CDK14: variants seen among roughly 807,000 people sequenced by gnomAD.
CDK14 encodes the protein cyclin dependent kinase 14, also known as cyclin-dependent kinase 14.
In CDK14, 34 loss-of-function variants were observed where a neutral mutation model predicts 60.7. The ratio of observed to expected loss-of-function variants is 0.56; its 90% CI spans 0.43 to 0.75. The LOEUF (loss-of-function observed/expected upper bound fraction) is 0.75. CDK14 is among the 30% of genes least tolerant of loss of function. CDK14 has a pLI of 0.00. For missense variants in CDK14, 482 were observed against 564.1 expected (o/e 0.85, Z 1.47); for synonymous variants, 197 against 203.7 (o/e 0.97, Z 0.28).
At position 90,785,951 on chromosome 7, in the gene CDK14, C is replaced by A. The variant is rs1006393449; in HGVS notation, c.465-4622C>A. ...TTAGAAACAGTTTGAAAGTTGGATCCCCTTTCAGCCTGGCTCTACCTGGCT... is the reference window on the plus strand; with the variant it reads ...TTAGAAACAGTTTGAAAGTTGGATCACCTTTCAGCCTGGCTCTACCTGGCT... On this transcript the variant is annotated intron_variant, in intron 4 of 14. Transcript: ENST00000380050. Among the ~76,000 whole-genome samples, 11 of 152,038 alleles carry A rather than the reference C, an allele frequency of 7.2e-5. No individual in the cohort carries two copies. The East Asian group carries it at 2.1e-3, about 29-fold the overall frequency.
chr7:91,133,740 A>G (rs1005320952), intron 14 of CDK14, among the ~76,000 whole-genome samples: 1 of 152,146 alleles, frequency 6.6e-6, no homozygotes, highest in Non-Finnish European at 1.5e-5. Flanking sequence ...TTACATTTTT[A>G]TAGCCATATT....
chr7:90,888,954 C>A (rs571377678), intron 6 of CDK14, among the ~76,000 whole-genome samples: 2 of 152,192 alleles, frequency 1.3e-5, no homozygotes, highest in East Asian at 3.8e-4. Flanking sequence ...ACTGCTTAAC[C>A]CTTTCCTCCA....
chr7:90,877,849 A>G (rs1315998736), intron 6 of CDK14, among the ~76,000 whole-genome samples: 2 of 152,168 alleles, frequency 1.3e-5, no homozygotes, highest in African/African-American at 4.8e-5. Flanking sequence ...AACTAAAAAT[A>G]CATTGAACTG....
chr7:90,670,019 C>T (rs1212773885), intron 2 of CDK14, among the ~76,000 whole-genome samples: 1 of 152,108 alleles, frequency 6.6e-6, no homozygotes, highest in African/African-American at 2.4e-5. Flanking sequence ...AACAACAAAA[C>T]TGATTTTTCC....
intron 5 of CDK14, among the ~76,000 whole-genome samples, chr7:90,809,896 T>C (rs1173744739): frequency 6.6e-6 from 1 of 152,114 alleles, no homozygotes; most frequent in East Asian, 1.9e-4. Context: ...CCTGGACACA[T>C]ACACCCTCCC....
chr7:90,791,192 A>G (rs1396396355), intron 5 of CDK14, among the ~76,000 whole-genome samples: 1 of 152,136 alleles, frequency 6.6e-6, no homozygotes, highest in Non-Finnish European at 1.5e-5. Context: ...AATTTCTTTT[A>G]TAATGTAGTT....
chr7:90,934,790 C>T (rs766506570), intron 8 of CDK14, among the ~76,000 whole-genome samples: 1 of 152,150 alleles, frequency 6.6e-6, no homozygotes, highest in Non-Finnish European at 1.5e-5. Context: ...GATACATACA[C>T]CAAATTTGTG....
At chr7:91,145,534 G>T (rs1030164743) in intron 14 of CDK14, among the ~76,000 whole-genome samples, 4 of 152,140 alleles carry the variant, frequency 2.6e-5, no homozygotes, top group Non-Finnish European at 4.4e-5. Flanking sequence ...CTCAAATTGG[G>T]TCATTAGTGA....
At chr7:90,640,544 G>A (rs575499038) in intron 2 of CDK14, among the ~76,000 whole-genome samples, 2 of 152,210 alleles carry the variant, frequency 1.3e-5, no homozygotes, top group South Asian at 4.1e-4. Flanking sequence ...TGGTTTCAAA[G>A]AGGAAAGCAT....
chr7:90,603,809 G>A (rs17868882), intron 1 of CDK14, among the ~76,000 whole-genome samples: 13 of 152,208 alleles, frequency 8.5e-5, no homozygotes, highest in African/African-American at 2.9e-4. Context: ...TGTCATTCAG[G>A]GCTCTGTGCA....
At position 91,017,612 on chromosome 7, in the gene CDK14, G is replaced by A. The variant is rs550838522; in HGVS notation, c.1042-28285G>A. On this transcript the variant is annotated intron_variant, in intron 10 of 14. Coordinates refer to ENST00000380050, the MANE Select transcript of CDK14 (RefSeq NM_001287135.2). ...ATGATGGACTTTTGGTCTGTGTATT[G>A]CTATTATTGATTACTTCAGATGGTC... Among the ~76,000 whole-genome samples the A allele has an allele frequency of 3.9e-5, 6 of 152,226 alleles. No homozygotes were observed. In the East Asian group the frequency reaches 1.2e-3, roughly 29 times the overall value.
At chr7:90,713,814 G>C (rs1235545324) in intron 2 of CDK14, among the ~76,000 whole-genome samples, 1 of 151,952 alleles carries the variant, frequency 6.6e-6, no homozygotes, top group Admixed American at 6.6e-5. Flanking sequence ...CCCATCTCCT[G>C]TGTTTATTTT....
At chr7:90,779,662 T>C (rs1805224467) in intron 4 of CDK14, among the ~76,000 whole-genome samples, 1 of 152,318 alleles carries the variant, frequency 6.6e-6, no homozygotes, top group Non-Finnish European at 1.5e-5. Context: ...TCTTCAAACA[T>C]GGGCAACTCA....
At chr7:91,145,688 A>G (rs947865174) in intron 14 of CDK14, among the ~76,000 whole-genome samples, 1 of 152,200 alleles carries the variant, frequency 6.6e-6, no homozygotes, top group Non-Finnish European at 1.5e-5. Context: ...GAGCAGGCAT[A>G]ACTGTCTTGA....
At chr7:91,095,622 A>G (rs927522097) in intron 12 of CDK14, among the ~76,000 whole-genome samples, 3 of 152,224 alleles carry the variant, frequency 2.0e-5, no homozygotes, top group African/African-American at 2.4e-5. Context: ...TTAACAAATC[A>G]TGATTCAGCA....
chr7:91,059,024 C>T (rs911324469), intron 11 of CDK14, among the ~76,000 whole-genome samples: 37 of 152,234 alleles, frequency 2.4e-4, no homozygotes, highest in African/African-American at 8.2e-4. Flanking sequence ...ACTATGAGTC[C>T]GTCTGGTCCT....
chr7:91,161,978 G>A (rs1172805079), intron 14 of CDK14, among the ~76,000 whole-genome samples: 1 of 152,160 alleles, frequency 6.6e-6, no homozygotes, highest in Non-Finnish European at 1.5e-5. Flanking sequence ...CACGGAAGTC[G>A]AGAAAGTAGA....
intron 8 of CDK14, among the ~76,000 whole-genome samples, chr7:90,942,611 T>C (rs1211212566): frequency 6.6e-6 from 1 of 152,116 alleles, no homozygotes; most frequent in Non-Finnish European, 1.5e-5. Context: ...GTTCTCTGAG[T>C]TCCTGAAAAC....
At chr7:91,183,548 G>A (rs1263783950) in intron 14 of CDK14, among the ~76,000 whole-genome samples, 1 of 152,090 alleles carries the variant, frequency 6.6e-6, no homozygotes, top group African/African-American at 2.4e-5. Context: ...TTCTGTAAGA[G>A]TTTCTCCAGG....
Sources: allele counts gnomAD v4.1 joint callset (sites outside exome capture counted in the v4.1 genomes callset), GRCh38; gene constraint gnomAD v4.1.1; transcripts MANE v1.5; gene names NCBI Gene and HGNC (gene_info 2026-07-23, HGNC 2026-07-21).